The following OR3A1 variants were observed in gnomAD, a reference collection of about 807,000 sequenced individuals.
OR3A1 encodes olfactory receptor 3A1.
For synonymous variants in OR3A1, 145 were observed against 160.0 expected (o/e 0.91, Z 0.71); for missense variants, 402 against 393.8 (o/e 1.02, Z -0.18).
intron 1 of OR3A1, among the ~76,000 whole-genome samples, chr17:3,293,248 C>G (rs887623590): frequency 1.3e-5 from 2 of 151,782 alleles, no homozygotes; most frequent in African/African-American, 4.8e-5. Context: ...TAAAGTATGG[C>G]ACCATAATCC....
chr17:3,292,718 T>C, intron 1 of OR3A1, 130 bp from the exon 2 acceptor site: 1 of 716,888 alleles, frequency 1.4e-6, no homozygotes, highest in Non-Finnish European at 2.3e-6. Flanking sequence ...TAAGGAATTT[T>C]GCGCTCCTTA....
Sources: allele counts gnomAD v4.1 joint callset (sites outside exome capture counted in the v4.1 genomes callset), GRCh38; gene constraint gnomAD v4.1.1; transcripts MANE v1.5; gene names NCBI Gene and HGNC (gene_info 2026-07-23, HGNC 2026-07-21).